Variants in LRRC7 observed in about 807,000 individuals in gnomAD.
LRRC7 encodes the protein leucine-rich repeat-containing protein 7.
LRRC7 carries 23 observed loss-of-function variants against 175.7 expected under a neutral mutation model. The ratio of observed to expected loss-of-function variants is 0.13; its 90% CI spans 0.09 to 0.19. The LOEUF is 0.19. LRRC7 is among the 10% of genes least tolerant of loss of function. The pLI, the probability that LRRC7 is intolerant of heterozygous loss-of-function variation, is 1.00. For missense variants in LRRC7, 1,354 were observed against 1,904.7 expected (o/e 0.71, Z 5.38); for synonymous variants, 685 against 680.9 (o/e 1.01, Z -0.09).
At chr1:69,917,533 AGGAGACATTTGACAATGTCT>A (rs561185365) in intron 7 of LRRC7, among the ~76,000 whole-genome samples, 50 of 152,264 alleles carry the variant, frequency 3.3e-4, no homozygotes, top group Admixed American at 4.6e-4. Flanking sequence ...CAGTAAAGAG[AGGAGACATTTGACAATGTCT>A]GGAGACATTG....
At chr1:69,909,570 CT>C (rs1344598007) in intron 7 of LRRC7, among the ~76,000 whole-genome samples, 7 of 152,094 alleles carry the variant, frequency 4.6e-5, no homozygotes, top group African/African-American at 2.4e-5. Flanking sequence ...GTTGAAAATT[CT>C]TTTCTTTAAA....
chr1:69,907,215 A>G (rs1186248747), intron 7 of LRRC7, among the ~76,000 whole-genome samples: 4 of 152,178 alleles, frequency 2.6e-5, no homozygotes, highest in African/African-American at 9.7e-5. Context: ...AACAGGGACA[A>G]TTTGACTTCC....
chr1:69,602,954 C>A (rs1647140539), intron 1 of LRRC7, among the ~76,000 whole-genome samples: 1 of 152,150 alleles, frequency 6.6e-6, no homozygotes, highest in Non-Finnish European at 1.5e-5. Flanking sequence ...TGTGTAGTAG[C>A]CTATGCGATC....
chr1:69,907,720 CTCT>C (rs758849783), intron 7 of LRRC7, among the ~76,000 whole-genome samples: 40 of 152,276 alleles, frequency 2.6e-4, no homozygotes, highest in Non-Finnish European at 4.0e-4. Context: ...GTCTAAAATT[CTCT>C]TTTTTGGTTG....
chr1:70,065,026 A>G (rs571730295), intron 23 of LRRC7, among the ~76,000 whole-genome samples: 19 of 151,962 alleles, frequency 1.3e-4, no homozygotes, highest in African/African-American at 4.3e-4. Flanking sequence ...ATTTCTGTTA[A>G]CCCTTCTTGG....
At chr1:69,968,496 G>T (rs1181179324) in intron 8 of LRRC7, among the ~76,000 whole-genome samples, 2 of 152,164 alleles carry the variant, frequency 1.3e-5, no homozygotes, top group Non-Finnish European at 2.9e-5. Context: ...CAGGCACACT[G>T]TCATCAGATT....
At chr1:69,907,185 A>G (rs558088094) in intron 7 of LRRC7, among the ~76,000 whole-genome samples, 83 of 152,304 alleles carry the variant, frequency 5.4e-4, no homozygotes, top group African/African-American at 1.8e-3. Context: ...TTTTCTAAAT[A>G]TACAATCATG....
intron 13 of LRRC7, among the ~76,000 whole-genome samples, chr1:70,016,199 C>T (rs1174560786): frequency 6.6e-6 from 1 of 152,132 alleles, no homozygotes; most frequent in African/African-American, 2.4e-5. Flanking sequence ...TGCAGATAAA[C>T]TTCTGGAGGG....
chr1:69,607,318 T>G (rs1647756151), intron 1 of LRRC7: 1 of 152,140 alleles, frequency 6.6e-6, no homozygotes, highest in African/African-American at 2.4e-5. Flanking sequence ...TCAGACTCAT[T>G]GCTACTTTCT....
chr1:69,990,101 G>T (rs1355097242), intron 10 of LRRC7, among the ~76,000 whole-genome samples: 1 of 152,086 alleles, frequency 6.6e-6, no homozygotes, highest in Non-Finnish European at 1.5e-5. Context: ...GCTCTTAAAA[G>T]ATGTACTTTA....
chr1:69,672,356 A>G (rs1253240450), intron 1 of LRRC7, among the ~76,000 whole-genome samples: 2 of 152,224 alleles, frequency 1.3e-5, no homozygotes, highest in African/African-American at 4.8e-5. Flanking sequence ...ATTGGACAGC[A>G]CAGATATTGA....
intron 5 of LRRC7, among the ~76,000 whole-genome samples, chr1:69,834,030 A>T (rs1220411650): frequency 6.6e-6 from 1 of 152,156 alleles, no homozygotes; most frequent in Non-Finnish European, 1.5e-5. Context: ...AAAAAAATTA[A>T]TATTCCTCTG....
intron 7 of LRRC7, among the ~76,000 whole-genome samples, chr1:69,930,081 A>G (rs545431582): frequency 6.6e-6 from 1 of 151,628 alleles, no homozygotes; most frequent in African/African-American, 2.4e-5. Context: ...CTCTCTATCT[A>G]CCTCCTCTGC....
intron 21 of LRRC7, among the ~76,000 whole-genome samples, chr1:70,040,372 C>A (rs1304528211): frequency 6.6e-6 from 1 of 152,030 alleles, no homozygotes; most frequent in African/African-American, 2.4e-5. Context: ...AAAAGCCTGC[C>A]ATTTAGAATG....
chr1:69,755,114 T>C (rs1670268686), intron 2 of LRRC7, among the ~76,000 whole-genome samples: 1 of 151,886 alleles, frequency 6.6e-6, no homozygotes, highest in South Asian at 2.1e-4. Flanking sequence ...AAGGACAATA[T>C]AGTTCTGTGC....
At chr1:70,030,582 A>G (rs1658608843) in intron 18 of LRRC7, among the ~76,000 whole-genome samples, 1 of 152,178 alleles carries the variant, frequency 6.6e-6, no homozygotes, top group Non-Finnish European at 1.5e-5. Context: ...CATACTAAAC[A>G]TTTATAATAT....
At chr1:69,784,853 TATAA>T (rs1375123656) in intron 3 of LRRC7, among the ~76,000 whole-genome samples, 1 of 152,184 alleles carries the variant, frequency 6.6e-6, no homozygotes, top group Non-Finnish European at 1.5e-5. Context: ...TAGAACACAA[TATAA>T]ATGTTTTTAA....
chr1:69,577,231 T>C (rs1350423543), intron 1 of LRRC7, among the ~76,000 whole-genome samples: 1 of 152,164 alleles, frequency 6.6e-6, no homozygotes, highest in Non-Finnish European at 1.5e-5. Flanking sequence ...ATAGGTAAAC[T>C]TACCCATAAT....
At chr1:70,083,498 A>G (rs1269610214) in intron 24 of LRRC7, among the ~76,000 whole-genome samples, 1 of 152,072 alleles carries the variant, frequency 6.6e-6, no homozygotes, top group Non-Finnish European at 1.5e-5. Flanking sequence ...TGCTTTTGTC[A>G]AGTCCTATCG....
Sources: allele counts gnomAD v4.1 joint callset (sites outside exome capture counted in the v4.1 genomes callset), GRCh38; gene constraint gnomAD v4.1.1; transcripts MANE v1.5; gene names NCBI Gene and HGNC (gene_info 2026-07-23, HGNC 2026-07-21).